The following CACNA1B variants were observed in gnomAD, a reference collection of about 807,000 sequenced individuals.
CACNA1B encodes the protein voltage-dependent N-type calcium channel subunit alpha-1B.
A neutral mutation model predicts 247.2 loss-of-function variants in CACNA1B; 70 were observed. The ratio of observed to expected loss-of-function variants is 0.28; its 90% CI spans 0.23 to 0.35. The LOEUF is 0.35. CACNA1B is among the 10% of genes least tolerant of loss of function. CACNA1B has a pLI of 1.00. For synonymous variants in CACNA1B, 1,231 were observed against 1,294.4 expected, an observed-to-expected ratio of 0.95 and a Z score of 1.05; for missense variants, 2,367 against 3,197.4, an observed-to-expected ratio of 0.74 and a Z score of 6.26.
chr9:138,017,054 G>T (rs968230883), intron 18 of CACNA1B: 4 of 492,872 alleles, frequency 8.1e-6, no homozygotes, highest in Non-Finnish European at 1.6e-5. Flanking sequence ...CGCCTACACT[G>T]GCGTGGCTCT....
intron 3 of CACNA1B, among the ~76,000 whole-genome samples, chr9:137,898,175 A>G (rs908458330): frequency 6.6e-6 from 1 of 152,220 alleles, no homozygotes; most frequent in Non-Finnish European, 1.5e-5. Context: ...TTATGATGAG[A>G]AATCTTCTGT....
At chr9:138,078,898 G>A (rs1328789755) in intron 36 of CACNA1B, among the ~76,000 whole-genome samples, 1 of 152,210 alleles carries the variant, frequency 6.6e-6, no homozygotes, top group Non-Finnish European at 1.5e-5. Context: ...GCATCCTGGG[G>A]TTTTCTGGGG....
intron 31 of CACNA1B, among the ~76,000 whole-genome samples, chr9:138,068,777 C>T (rs534593890): frequency 1.1e-4 from 17 of 152,214 alleles, no homozygotes; most frequent in Non-Finnish European, 1.5e-4. Context: ...GCCTGGCTGA[C>T]GTCAGAGATG....
rs201000023 is a variant in CACNA1B, at chr9:138,058,611, C to T, written c.4351C>T (p.Arg1451Trp). ...DFAISAKPLT[R>W]YMPQNRQSFQ... is the part of the protein sequence containing the mutation. Reference sequence around the variant, plus strand: ...CGCCATCAGCGCCAAACCCCTGACACGGTACATGCCCCAAAACCGGCAGTC... The same window carrying T: ...CGCCATCAGCGCCAAACCCCTGACATGGTACATGCCCCAAAACCGGCAGTC... The change falls in exon 29 of 47, where the codon CGG becomes TGG. Residue 1451 changes from arginine to tryptophan, a missense_variant. Around this residue, in one of 12 missense-constraint regions of CACNA1B, gnomAD observed 436 missense variants for 679.5 expected, o/e 0.64. Transcript: ENST00000371372. This position sits in a 1 kb window ranked among gnomAD's most constrained non-coding sequence, Gnocchi z 4.7. 8 of 1,613,812 alleles carry T rather than the reference C, an allele frequency of 5.0e-6. No individual in the cohort carries two copies. Among genetic ancestry groups the T allele is most frequent in the South Asian group, 2.2e-5 (2 of 91,048 alleles).
rs538869056 is a variant in CACNA1B at position 138,054,125 on chromosome 9, T to A, written c.3968+119T>A. 2.1e-6 allele frequency: 2 copies of A among 936,472 alleles called. No individual in the cohort carries two copies. Among genetic ancestry groups the A allele is most frequent in the African/African-American group, 3.2e-5 (2 of 61,658 alleles). The allele number at this position is 936,472 out of a possible 1,614,324, so 58.0% of individuals were successfully genotyped here. On this transcript the variant is annotated intron_variant, in intron 26 of 46. Transcript: ENST00000371372. This position sits in a 1 kb window ranked among gnomAD's most constrained non-coding sequence, Gnocchi z 4.6. The stretch of plus-strand genomic sequence containing the variant: ...GCGTGGGAGACTCCACTGCAGAGCA[T>A]CACGGACCCTGCCTGAGGGCCGAGG...
intron 24 of CACNA1B, among the ~76,000 whole-genome samples, chr9:138,049,882 C>T (rs941762316): frequency 1.7e-4 from 26 of 152,166 alleles, no homozygotes; most frequent in Non-Finnish European, 7.3e-5. Context: ...GCATGGAGGG[C>T]ATTGTCGGGG....
intron 32 of CACNA1B, among the ~76,000 whole-genome samples, chr9:138,071,736 G>T (rs1298708791): frequency 6.6e-6 from 1 of 152,126 alleles, no homozygotes; most frequent in Non-Finnish European, 1.5e-5. Flanking sequence ...TTGTCTTCCA[G>T]TCCTTCCTTC....
intron 45 of CACNA1B, 110 bp from the exon 46 acceptor site, chr9:138,120,521 C>T: frequency 1.4e-6 from 2 of 1,389,946 alleles, no homozygotes; most frequent in Non-Finnish European, 1.9e-6. Flanking sequence ...AGGCCCTAAC[C>T]CTCACCCTAG....
chr9:137,985,013 C>T (rs1958340720), intron 13 of CACNA1B, among the ~76,000 whole-genome samples: 1 of 152,158 alleles, frequency 6.6e-6, no homozygotes, highest in Non-Finnish European at 1.5e-5. Context: ...GCATCTGGAC[C>T]CTACCAGACA....
Position 138,123,095 on chromosome 9 carries a change from G to C in CACNA1B, c.*1096G>C, listed in dbSNP as rs1481961634. ...AGTCTGTTCTGCATATGATTCTCAG[G>C]GCACACTCTGTGGTATGTGAAATAG... On this transcript the variant is annotated 3_prime_UTR_variant, in exon 47 of 47. Transcript: ENST00000371372. 6.6e-6 allele frequency: 1 copy of C among 152,266 alleles called. No homozygotes were observed. Among genetic ancestry groups the C allele is most frequent in the Non-Finnish European group, 1.5e-5 (1 of 68,052 alleles). 9.4% of individuals were successfully genotyped at this position (152,266 alleles called of 1,614,324 possible).
At chr9:138,031,466 G>A (rs1958987209) in intron 20 of CACNA1B, among the ~76,000 whole-genome samples, 1 of 152,146 alleles carries the variant, frequency 6.6e-6, no homozygotes, top group Admixed American at 6.5e-5. Context: ...AGCCTTTGAA[G>A]GGAACATGCA....
chr9:138,029,636 G>T, intron 20 of CACNA1B, among the ~76,000 whole-genome samples: 1 of 146,584 alleles, frequency 6.8e-6, no homozygotes. Context: ...TTCCAGACAG[G>T]GTCTCGCTCT....
intron 6 of CACNA1B, among the ~76,000 whole-genome samples, chr9:137,948,909 GTGTT>G (rs2133331293): frequency 7.0e-6 from 1 of 141,936 alleles, no homozygotes; most frequent in South Asian, 2.3e-4. Context: ...TGGTGTGCGT[GTGTT>G]TGTGGTGTCT....
rs201646549 is a variant in CACNA1B, at chr9:138,123,715, C to T, written c.*1716C>T. 5.3e-5 allele frequency: 8 copies of T among 152,154 alleles called. No individual in the cohort carries two copies. Among genetic ancestry groups the T allele is most frequent in the South Asian group, 2.1e-4 (1 of 4,812 alleles). The allele number at this position is 152,154 out of a possible 1,614,324, so 9.4% of individuals were successfully genotyped here. A position where few individuals can be genotyped will look rare whatever the true frequency, so the allele number is the denominator to read the frequency against. On this transcript the variant is annotated 3_prime_UTR_variant, in exon 47 of 47. Transcript: ENST00000371372. The stretch of plus-strand genomic sequence containing the variant: ...AACACACAAGACCGCTGCCTGGTCT[C>T]GGGGTTCAGCATGATTGTGACCAAA...
At position 138,023,817 on chromosome 9, in the gene CACNA1B, T is replaced by C. The variant is rs762815842; in HGVS notation, c.3068+6T>C. 6.9e-6 allele frequency: 9 copies of C among 1,305,194 alleles called. No individual in the cohort carries two copies. In the South Asian group the frequency reaches 1.1e-4, roughly 16 times the overall value. 80.9% of individuals were successfully genotyped at this position (1,305,194 alleles called of 1,614,324 possible). ...CTCCGGAACCACCAGCCCCGGTGAGTCCGCGGCTGGGCGGGGTCAGGGAGG... is the reference window on the plus strand; with the variant it reads ...CTCCGGAACCACCAGCCCCGGTGAGCCCGCGGCTGGGCGGGGTCAGGGAGG... On this transcript the variant is annotated splice_donor_region_variant and intron_variant, in intron 19 of 46. Transcript: ENST00000371372.
chr9:137,908,266 A>T (rs550560623), intron 3 of CACNA1B, among the ~76,000 whole-genome samples: 1 of 152,312 alleles, frequency 6.6e-6, no homozygotes, highest in Non-Finnish European at 1.5e-5. Context: ...CTGTAATCCC[A>T]GTACTTTGGG....
intron 44 of CACNA1B, among the ~76,000 whole-genome samples, chr9:138,119,355 C>T (rs970941180): frequency 2.0e-5 from 3 of 152,102 alleles, no homozygotes; most frequent in Admixed American, 6.5e-5. Context: ...GGAGGATCGC[C>T]CCTCCGAGGC....
At position 138,073,929 on chromosome 9, in the gene CACNA1B, A is replaced by T; in HGVS notation, c.4792-72A>T. The T allele has an allele frequency of 7.9e-7, 1 of 1,272,402 alleles. No individual in the cohort carries two copies. Among genetic ancestry groups the T allele is most frequent in the Non-Finnish European group, 1.1e-6 (1 of 879,396 alleles). The allele number at this position is 1,272,402 out of a possible 1,614,324, so 78.8% of individuals were successfully genotyped here. A position where few individuals can be genotyped will look rare whatever the true frequency, so the allele number is the denominator to read the frequency against. The stretch of plus-strand genomic sequence containing the variant: ...GAGGTCTGTGTGACCTCAAAGGCCC[A>T]GCCACCGTAGCAGGAGGCCTGGGCG... On this transcript the variant is annotated intron_variant, in intron 33 of 46. Coordinates refer to ENST00000371372, the MANE Select transcript of CACNA1B (RefSeq NM_000718.4). The surrounding 1 kb of genome is among the most constrained non-coding windows in gnomAD (Gnocchi z 6.4).
At chr9:138,097,629 G>A (rs1409286030) in intron 37 of CACNA1B, among the ~76,000 whole-genome samples, 2 of 152,078 alleles carry the variant, frequency 1.3e-5, no homozygotes, top group Admixed American at 6.5e-5. Context: ...ACCACTCCCC[G>A]TGCCCTAGGG....
Sources: allele counts gnomAD v4.1 joint callset (sites outside exome capture counted in the v4.1 genomes callset), GRCh38; gene constraint gnomAD v4.1.1; regional missense constraint gnomAD v4.1.1; non-coding constraint Gnocchi (gnomAD v3.1); transcripts MANE v1.5; gene names NCBI Gene and HGNC (gene_info 2026-07-23, HGNC 2026-07-21).